Variants in SYN3 observed in about 807,000 individuals in gnomAD.
SYN3 encodes the protein synapsin III.
In SYN3, 35 loss-of-function variants were observed where a neutral mutation model predicts 65.8. The ratio of observed to expected loss-of-function variants is 0.53; its 90% confidence interval spans 0.41 to 0.70. SYN3 has a LOEUF of 0.70. Ranked by LOEUF, SYN3 falls within the 30% of genes least tolerant of loss-of-function variation. SYN3 has a pLI of 0.00. For synonymous variants in SYN3, 270 were observed against 292.9 expected (o/e 0.92, Z 0.80); for missense variants, 680 against 749.0 (o/e 0.91, Z 1.08).
At chr22:32,791,116 T>G (rs2046315015) in intron 6 of SYN3, among the ~76,000 whole-genome samples, 1 of 152,176 alleles carries the variant, frequency 6.6e-6, no homozygotes, top group African/African-American at 2.4e-5. Flanking sequence ...TTCCATAAAA[T>G]GGGCATGATC....
At chr22:32,995,602 C>T (rs951714994) in intron 2 of SYN3, among the ~76,000 whole-genome samples, 21 of 152,092 alleles carry the variant, frequency 1.4e-4, no homozygotes, top group African/African-American at 4.8e-4. Flanking sequence ...CCAATGCAGT[C>T]CTTACAAGGA....
intron 4 of SYN3, among the ~76,000 whole-genome samples, chr22:32,905,258 T>G (rs888359759): frequency 2.0e-5 from 3 of 152,204 alleles, no homozygotes; most frequent in Non-Finnish European, 4.4e-5. Flanking sequence ...AGTTGTTTCC[T>G]CCAAAGTTTC....
intron 6 of SYN3, among the ~76,000 whole-genome samples, chr22:32,786,217 C>T (rs1331004167): frequency 6.6e-6 from 1 of 152,054 alleles, no homozygotes; most frequent in Non-Finnish European, 1.5e-5. Context: ...GAAGCAAAAT[C>T]TTTTGCATAA....
Position 32,771,811 on chromosome 22 carries a change from T to C in SYN3, c.711+93104A>G, listed in dbSNP as rs111509989. Among the ~76,000 whole-genome samples the C allele has an allele frequency of 5.8e-3, 880 of 152,290 alleles. 6 individuals are homozygous for C. Among genetic ancestry groups the C allele is most frequent in the African/African-American group, 0.02 (831 of 41,556 alleles). ...CATTCATTCCCAAAGCAAATGGTCA[T>C]TCATGACATTTGTGCTACAGTTTTA... is the stretch of plus-strand genomic sequence containing the variant. On this transcript the variant is annotated intron_variant, in intron 6 of 13. Transcript: ENST00000358763.
At chr22:32,665,019 G>A (rs130727) in intron 6 of SYN3, among the ~76,000 whole-genome samples, 100,970 of 102,594 alleles carry the variant, frequency 0.98, 49,686 homozygotes, top group African/African-American at 0.99. Context: ...TTTTTTTTTG[G>A]GGCAGAGCCT....
At chr22:32,890,944 G>T (rs1365795681) in intron 4 of SYN3, among the ~76,000 whole-genome samples, 1 of 152,134 alleles carries the variant, frequency 6.6e-6, no homozygotes, top group Non-Finnish European at 1.5e-5. Context: ...CCCCCTTGCA[G>T]CTGGGAGCCT....
At chr22:32,941,896 G>C (rs1474678072) in intron 3 of SYN3, among the ~76,000 whole-genome samples, 1 of 152,220 alleles carries the variant, frequency 6.6e-6, no homozygotes, top group Non-Finnish European at 1.5e-5. Context: ...CAGTGAGGCT[G>C]GGGGAGGGGC....
rs1396455726 is a variant in SYN3 at position 32,891,166 on chromosome 22, G to T, written c.462-22041C>A. Among the ~76,000 whole-genome samples the T allele has an allele frequency of 4.6e-5, 7 of 152,164 alleles. 1 individual carries two copies. The highest frequency in any genetic ancestry group is 3.3e-4 in the Admixed American group (5 of 15,262). The stretch of plus-strand genomic sequence containing the variant: ...GAGGTGGCAGCAGCTTCCAGACTTT[G>T]CTTTCTGAATCCCAGCTATGGCAGA... On this transcript the variant is annotated intron_variant, in intron 4 of 13. Coordinates refer to ENST00000358763, the MANE Select transcript of SYN3 (RefSeq NM_003490.4).
chr22:32,849,498 C>T, intron 6 of SYN3: 1 of 1,613,714 alleles, frequency 6.2e-7, no homozygotes, highest in Non-Finnish European at 8.5e-7. Flanking sequence ...AGGAGGGGCC[C>T]TTCGGCACGC....
At chr22:32,554,023 C>T (rs762836741) in intron 7 of SYN3, among the ~76,000 whole-genome samples, 6 of 152,236 alleles carry the variant, frequency 3.9e-5, no homozygotes, top group Non-Finnish European at 8.8e-5. Context: ...CCATCGCCAT[C>T]ATCTCCTTTG....
At chr22:32,901,192 T>G (rs2049749627) in intron 4 of SYN3, among the ~76,000 whole-genome samples, 1 of 152,206 alleles carries the variant, frequency 6.6e-6, no homozygotes, top group East Asian at 1.9e-4. Flanking sequence ...AATACACAGT[T>G]GCGTGTGACA....
chr22:32,678,703 C>A (rs2060481463), intron 6 of SYN3, among the ~76,000 whole-genome samples: 1 of 152,034 alleles, frequency 6.6e-6, no homozygotes, highest in South Asian at 2.1e-4. Context: ...TCATCAGAAG[C>A]ATTTGACTAA....
At chr22:32,701,474 A>AC (rs1434339350) in intron 6 of SYN3, among the ~76,000 whole-genome samples, 5 of 102,642 alleles carry the variant, frequency 4.9e-5, no homozygotes, top group African/African-American at 2.6e-4. Context: ...TCAAGAAATT[A>AC]TAAGAAGGTT....
intron 6 of SYN3, among the ~76,000 whole-genome samples, chr22:32,856,844 A>G (rs2048382407): frequency 6.6e-6 from 1 of 152,040 alleles, no homozygotes; most frequent in South Asian, 2.1e-4. Flanking sequence ...TCTGGTAACC[A>G]CCAATCCACT....
chr22:32,977,728 G>GT (rs1466742740), intron 3 of SYN3, among the ~76,000 whole-genome samples: 1 of 146,920 alleles, frequency 6.8e-6, no homozygotes, highest in Admixed American at 6.9e-5. Context: ...TGGCGACAGG[G>GT]TGAGACTGTC....
At chr22:33,056,879 A>G (rs939607144) in intron 1 of SYN3, among the ~76,000 whole-genome samples, 2 of 152,222 alleles carry the variant, frequency 1.3e-5, no homozygotes, top group Non-Finnish European at 2.9e-5. Context: ...TGTGAAACAG[A>G]AAGGGGAGCC....
In SYN3 at chr22:32,701,165, G is replaced by A. The variant is rs565541913; in HGVS notation, c.712-104429C>T. Reference sequence around the variant, plus strand: ...TTCTCTGCAGAGTAATAATAAGACTGATTTTTAAAGAAACACACACAGTTG... The same window carrying A: ...TTCTCTGCAGAGTAATAATAAGACTAATTTTTAAAGAAACACACACAGTTG... On this transcript the variant is annotated intron_variant, in intron 6 of 13. Transcript: ENST00000358763. Among the ~76,000 whole-genome samples the A allele has an allele frequency of 2.6e-5, 4 of 152,310 alleles. No homozygotes were observed. The East Asian group carries it at 7.7e-4, about 29-fold the overall frequency.
At chr22:32,848,150 T>C (rs188103655) in intron 6 of SYN3, among the ~76,000 whole-genome samples, 193 of 152,360 alleles carry the variant, frequency 1.3e-3, no homozygotes, top group Non-Finnish European at 1.9e-3. Context: ...AAGCACAACC[T>C]TGTAGAATCT....
At chr22:32,951,966 C>T (rs1338046142) in intron 3 of SYN3, among the ~76,000 whole-genome samples, 2 of 152,228 alleles carry the variant, frequency 1.3e-5, no homozygotes, top group African/African-American at 4.8e-5. Context: ...CTGAGGCCTG[C>T]AGTCAGCAAG....
Sources: allele counts gnomAD v4.1 joint callset (sites outside exome capture counted in the v4.1 genomes callset), GRCh38; gene constraint gnomAD v4.1.1; transcripts MANE v1.5; gene names NCBI Gene and HGNC (gene_info 2026-07-23, HGNC 2026-07-21).